Variants in MCC observed in about 807,000 individuals in gnomAD.
MCC encodes MCC regulator of Wnt signaling pathway.
Under a neutral mutation model 116.2 loss-of-function variants are expected in MCC, and 90 were observed. The observed-to-expected ratio is 0.77, with a 90% confidence interval of 0.65 to 0.92. MCC has a LOEUF of 0.92. Among genes scored for constraint, MCC ranks in the 40% least tolerant of loss-of-function variants. The pLI, the probability that MCC is intolerant of heterozygous loss-of-function variation, is 0.00. For missense variants in MCC, 1,516 were observed against 1,312.2 expected, an observed-to-expected ratio of 1.16 and a Z score of -2.40; for synonymous variants, 578 against 510.5, an observed-to-expected ratio of 1.13 and a Z score of -1.78.
chr5:113,064,110 C>A lies in MCC; in HGVS notation c.2087G>T (p.Arg696Leu). The change falls in exon 14 of 19, where the codon CGG becomes CTG. Residue 696 changes from arginine to leucine, a missense_variant. By Grantham distance (102) the Arg-to-Leu change is moderately radical. Transcript: ENST00000408903. Reference protein sequence around the residue: ...TQMLKRAHDCRKTAENAAKAL... With the variant: ...TQMLKRAHDCLKTAENAAKAL... ...CTTGGCAGCGTTCTCAGCTGTCTTCCGGCAGTCATGAGCTCGCTTGAGCAT... is the reference window on the plus strand; with the variant it reads ...CTTGGCAGCGTTCTCAGCTGTCTTCAGGCAGTCATGAGCTCGCTTGAGCAT... 1 of 1,614,132 alleles carries A rather than the reference C, an allele frequency of 6.2e-7. No individual in the cohort carries two copies. The highest frequency in any genetic ancestry group is 8.5e-7 in the Non-Finnish European group (1 of 1,180,002).
At chr5:113,147,711 A>C (rs906346656) in intron 4 of MCC, among the ~76,000 whole-genome samples, 1 of 152,162 alleles carries the variant, frequency 6.6e-6, no homozygotes, top group African/African-American at 2.4e-5. Flanking sequence ...GGACCAGCTA[A>C]ACAAAGAGGC....
At chr5:113,088,914 G>C (rs1008820258) in intron 8 of MCC, among the ~76,000 whole-genome samples, 2 of 152,090 alleles carry the variant, frequency 1.3e-5, no homozygotes, top group Non-Finnish European at 1.5e-5. Context: ...CTCCCAAGTG[G>C]CTGGGACTAC....
intron 2 of MCC, among the ~76,000 whole-genome samples, chr5:113,376,574 T>TACACACACACACACACAAACACACACAC (rs1768984728): frequency 6.9e-6 from 1 of 145,774 alleles, no homozygotes. Context: ...CCATATTTTA[T>TACACACACACACACACAAACACACACAC]ACACACACAC....
chr5:113,454,255 C>T (rs1008668478), intron 1 of MCC, among the ~76,000 whole-genome samples: 3 of 152,170 alleles, frequency 2.0e-5, no homozygotes, highest in Non-Finnish European at 4.4e-5. Flanking sequence ...CAGGCATTTG[C>T]CACCACATCT....
At chr5:113,219,803 C>T (rs1233540109) in intron 3 of MCC, among the ~76,000 whole-genome samples, 1 of 152,074 alleles carries the variant, frequency 6.6e-6, no homozygotes, top group Non-Finnish European at 1.5e-5. Context: ...ATATTGATTC[C>T]TCTTCATCCA....
At chr5:113,232,867 G>A (rs1421163011) in intron 3 of MCC, among the ~76,000 whole-genome samples, 2 of 152,114 alleles carry the variant, frequency 1.3e-5, no homozygotes, top group East Asian at 3.8e-4. Flanking sequence ...TATGTGACCT[G>A]GGGCAGGTTC....
intron 3 of MCC, among the ~76,000 whole-genome samples, chr5:113,334,843 G>A (rs762792912): frequency 6.6e-6 from 1 of 151,186 alleles, no homozygotes; most frequent in Non-Finnish European, 1.5e-5. Flanking sequence ...TGCCTGTCTC[G>A]GCCTCCCAAA....
chr5:113,240,817 G>C (rs946980038), intron 3 of MCC, among the ~76,000 whole-genome samples: 3 of 152,204 alleles, frequency 2.0e-5, no homozygotes, highest in African/African-American at 7.2e-5. Context: ...AGAAGGCACA[G>C]CCTCAGGACC....
At chr5:113,222,507 ATGAATTC>A (rs1340478489) in intron 3 of MCC, among the ~76,000 whole-genome samples, 1 of 152,194 alleles carries the variant, frequency 6.6e-6, no homozygotes, top group Non-Finnish European at 1.5e-5. Context: ...TCTTTCTTAA[ATGAATTC>A]ACCAGTGAAT....
chr5:113,074,536 T>C (rs1290304920), intron 11 of MCC, among the ~76,000 whole-genome samples: 1 of 151,444 alleles, frequency 6.6e-6, no homozygotes, highest in Non-Finnish European at 1.5e-5. Flanking sequence ...AGAGAATGAC[T>C]TTGATGAGTT....
chr5:113,144,442 GT>G (rs1292439071), intron 4 of MCC, among the ~76,000 whole-genome samples: 1 of 152,192 alleles, frequency 6.6e-6, no homozygotes, highest in African/African-American at 2.4e-5. Context: ...GGTTTTCTTA[GT>G]GCCAAGAGCC....
At chr5:113,076,847 AAGACAC>A (rs1211119472) in intron 11 of MCC, among the ~76,000 whole-genome samples, 2 of 152,212 alleles carry the variant, frequency 1.3e-5, no homozygotes, top group Non-Finnish European at 2.9e-5. Context: ...TTTCAATTAA[AAGACAC>A]AGACTGGCAA....
intron 2 of MCC, among the ~76,000 whole-genome samples, chr5:113,357,656 A>G (rs116476982): frequency 1.3e-5 from 2 of 152,236 alleles, no homozygotes; most frequent in Admixed American, 6.5e-5. Flanking sequence ...CATGTGCACT[A>G]AGGCAAAATG....
At chr5:113,181,411 G>C (rs1761620787) in intron 3 of MCC, among the ~76,000 whole-genome samples, 1 of 152,160 alleles carries the variant, frequency 6.6e-6, no homozygotes, top group African/African-American at 2.4e-5. Flanking sequence ...TAATCATAGA[G>C]GTAAATATTT....
intron 1 of MCC, chr5:113,399,884 G>T (rs1183913275): frequency 1.3e-5 from 2 of 152,088 alleles, no homozygotes; most frequent in Non-Finnish European, 2.9e-5. Flanking sequence ...TTTCTAAGAG[G>T]TCACAGAAAT....
chr5:113,036,881 C>A (rs777485758), intron 17 of MCC, among the ~76,000 whole-genome samples: 4 of 152,222 alleles, frequency 2.6e-5, no homozygotes, highest in Non-Finnish European at 5.9e-5. Flanking sequence ...GCACTTGGCT[C>A]TGGGGCTCAG....
At chr5:113,441,686 T>C (rs1771047403) in intron 1 of MCC, among the ~76,000 whole-genome samples, 1 of 152,172 alleles carries the variant, frequency 6.6e-6, no homozygotes, top group Non-Finnish European at 1.5e-5. Context: ...CAGTGTATGA[T>C]GTTCCCCTCC....
intron 3 of MCC, among the ~76,000 whole-genome samples, chr5:113,315,253 A>G (rs1215145688): frequency 6.6e-6 from 1 of 152,260 alleles, no homozygotes; most frequent in East Asian, 1.9e-4. Flanking sequence ...GAACCCCCAA[A>G]TTCCTAACAG....
chr5:113,098,506 C>A (rs936566964), intron 8 of MCC, among the ~76,000 whole-genome samples: 2 of 152,152 alleles, frequency 1.3e-5, no homozygotes, highest in African/African-American at 4.8e-5. Context: ...CTACATTAAG[C>A]CCAATTCTTT....
Sources: allele counts gnomAD v4.1 joint callset (sites outside exome capture counted in the v4.1 genomes callset), GRCh38; gene constraint gnomAD v4.1.1; transcripts MANE v1.5; gene names NCBI Gene and HGNC (gene_info 2026-07-23, HGNC 2026-07-21).